The following SGCD variants were observed in gnomAD, a reference collection of about 807,000 sequenced individuals.
The protein encoded by SGCD is delta-sarcoglycan.
Under a neutral mutation model 36.6 loss-of-function variants are expected in SGCD, and 18 were observed. The ratio of observed to expected loss-of-function variants is 0.49; its 90% confidence interval spans 0.34 to 0.73. The LOEUF (loss-of-function observed/expected upper bound fraction) is 0.73. Ranked by LOEUF, SGCD falls within the 30% of genes least tolerant of loss-of-function variation. The pLI, the probability that SGCD is intolerant of heterozygous loss-of-function variation, is 0.01. For missense variants in SGCD, 387 were observed against 346.7 expected (o/e 1.12, Z -0.92); for synonymous variants, 133 against 130.6 (o/e 1.02, Z -0.12).
intron 1 of SGCD, among the ~76,000 whole-genome samples, chr5:156,061,651 T>C (rs1317572810): frequency 6.9e-6 from 1 of 145,920 alleles, no homozygotes; most frequent in African/African-American, 2.5e-5. Context: ...ATGCCAGGTG[T>C]TAGTGGAAGG....
chr5:156,296,936 A>G (rs560064657), intron 3 of SGCD, among the ~76,000 whole-genome samples: 1 of 152,118 alleles, frequency 6.6e-6, no homozygotes, highest in East Asian at 1.9e-4. Context: ...TTATATGCAC[A>G]TATATACACA....
chr5:156,505,455 G>A (rs929845688), intron 3 of SGCD, among the ~76,000 whole-genome samples: 1 of 152,220 alleles, frequency 6.6e-6, no homozygotes, highest in Non-Finnish European at 1.5e-5. Flanking sequence ...CATACTGAAC[G>A]TGTTGAGGTA....
chr5:156,606,465 G>A (rs1465465898), intron 6 of SGCD, among the ~76,000 whole-genome samples: 1 of 152,204 alleles, frequency 6.6e-6, no homozygotes, highest in Non-Finnish European at 1.5e-5. Flanking sequence ...AGTATAGTTT[G>A]ATGTCAGGTA....
chr5:156,524,186 A>ATATATATATATATATATATATATAGGTC, intron 4 of SGCD, among the ~76,000 whole-genome samples: 1 of 87,438 alleles, frequency 1.1e-5, no homozygotes, highest in South Asian at 3.2e-4. Flanking sequence ...AGGTCTTACT[A>ATATATATATATATATATATATATAGGTC]TATATATATA....
At chr5:156,091,648 G>T (rs1025187847) in intron 1 of SGCD, among the ~76,000 whole-genome samples, 4 of 152,250 alleles carry the variant, frequency 2.6e-5, no homozygotes, top group Non-Finnish European at 5.9e-5. Context: ...ATCACCCAAG[G>T]TTGGGTTCCA....
chr5:156,389,952 TC>T (rs1159140593), intron 3 of SGCD, among the ~76,000 whole-genome samples: 7 of 152,126 alleles, frequency 4.6e-5, no homozygotes, highest in African/African-American at 1.7e-4. Flanking sequence ...TAATGGGGGT[TC>T]GATAAGATTA....
intron 4 of SGCD, among the ~76,000 whole-genome samples, chr5:156,583,955 G>C (rs568690218): frequency 5.3e-5 from 8 of 152,102 alleles, no homozygotes; most frequent in Admixed American, 1.3e-4. Context: ...GACTTAATAT[G>C]AAAAGTAAAA....
intron 3 of SGCD, among the ~76,000 whole-genome samples, chr5:156,357,018 A>G (rs1018721966): frequency 2.6e-5 from 4 of 152,204 alleles, no homozygotes; most frequent in African/African-American, 9.6e-5. Context: ...GAAAATTTAT[A>G]TTGTTTTAAG....
At chr5:156,462,951 G>T (rs1754552701) in intron 3 of SGCD, among the ~76,000 whole-genome samples, 1 of 152,204 alleles carries the variant, frequency 6.6e-6, no homozygotes, top group Middle Eastern at 3.4e-3. Flanking sequence ...TATGAATTCT[G>T]ATGAATTATA....
Position 156,490,468 on chromosome 5 carries a change from T to C in SGCD, c.193-18133T>C, listed in dbSNP as rs547768625. The stretch of plus-strand genomic sequence containing the variant: ...TCGAAAATCCTCAACAAAATACTAG[T>C]AAACCGAATGTAACATATCAAAAAA... On this transcript the variant is annotated intron_variant, in intron 3 of 8. Coordinates refer to ENST00000337851, the MANE Select transcript of SGCD (RefSeq NM_000337.6). 2.3e-5 allele frequency among the ~76,000 whole-genome samples: 3 copies of C among 132,950 alleles called. No homozygotes were observed. The South Asian group carries it at 8.0e-4, about 36-fold the overall frequency. 87.2% of individuals were successfully genotyped at this position (132,950 alleles called of 152,430 possible).
intron 3 of SGCD, among the ~76,000 whole-genome samples, chr5:156,261,758 A>C (rs1037889273): frequency 1.3e-5 from 2 of 152,200 alleles, no homozygotes; most frequent in Non-Finnish European, 2.9e-5. Flanking sequence ...CCAGTGGGAT[A>C]AGATGTGGAG....
chr5:155,752,131 AT>A, the SGCD span, among the ~76,000 whole-genome samples: 1 of 152,148 alleles, frequency 6.6e-6, no homozygotes, highest in Non-Finnish European at 1.5e-5. Flanking sequence ...CAAAATGACC[AT>A]TTGTGTCTCA....
intron 3 of SGCD, among the ~76,000 whole-genome samples, chr5:156,147,993 A>C (rs1762745236): frequency 6.6e-6 from 1 of 152,228 alleles, no homozygotes; most frequent in Non-Finnish European, 1.5e-5. Context: ...GGGCTAGAAA[A>C]GCTAAGAAAT....
At chr5:156,490,179 C>T (rs537722569) in intron 3 of SGCD, among the ~76,000 whole-genome samples, 15 of 151,834 alleles carry the variant, frequency 9.9e-5, no homozygotes, top group South Asian at 2.1e-4. Flanking sequence ...AAAACACGAA[C>T]GGAACAAAAA....
At chr5:156,227,459 T>C (rs1764887946) in intron 3 of SGCD, among the ~76,000 whole-genome samples, 1 of 152,174 alleles carries the variant, frequency 6.6e-6, no homozygotes, top group South Asian at 2.1e-4. Flanking sequence ...TATTGGTCTA[T>C]GTGCCTATTT....
intron 3 of SGCD, among the ~76,000 whole-genome samples, chr5:156,196,939 G>A (rs541295389): frequency 1.3e-5 from 2 of 152,148 alleles, no homozygotes; most frequent in South Asian, 4.1e-4. Flanking sequence ...ATGACATATG[G>A]ACTATGCAGT....
chr5:156,532,400 T>G (rs1486874008), intron 4 of SGCD, among the ~76,000 whole-genome samples: 2 of 152,234 alleles, frequency 1.3e-5, no homozygotes, highest in African/African-American at 4.8e-5. Context: ...ACCATGTGAT[T>G]AGAGTCTTAC....
At chr5:155,833,449 T>A in the SGCD span, among the ~76,000 whole-genome samples, 7 of 152,206 alleles carry the variant, frequency 4.6e-5, no homozygotes, top group African/African-American at 1.7e-4. Context: ...TGATGGGCCT[T>A]CAAGAGACCT....
chr5:156,755,026 T>C (rs1376242429), intron 7 of SGCD, among the ~76,000 whole-genome samples: 1 of 152,228 alleles, frequency 6.6e-6, no homozygotes, highest in Non-Finnish European at 1.5e-5. Flanking sequence ...GAGACACAGT[T>C]ACAATAGTCC....
Sources: allele counts gnomAD v4.1 joint callset (sites outside exome capture counted in the v4.1 genomes callset), GRCh38; gene constraint gnomAD v4.1.1; transcripts MANE v1.5; gene names NCBI Gene and HGNC (gene_info 2026-07-23, HGNC 2026-07-21).